Variants in FAAH2 observed in about 807,000 individuals in gnomAD.
The protein encoded by FAAH2 is fatty acid amide hydrolase 2.
Under a neutral mutation model 36.9 loss-of-function variants are expected in FAAH2, and 60 were observed. That is an observed-to-expected ratio of 1.63 (90% CI 1.32 to 2.02). The LOEUF is 2.02. FAAH2 is among the 30% of genes most tolerant of loss of function. FAAH2 has a pLI of 0.00. For missense variants in FAAH2, 689 were observed against 397.5 expected (o/e 1.73, Z -6.23); for synonymous variants, 214 against 143.8 (o/e 1.49, Z -3.49).
intron 7 of FAAH2, among the ~76,000 whole-genome samples, chrX:57,423,534 A>T (rs912260739): frequency 1.8e-5 from 2 of 111,802 alleles, no homozygotes; most frequent in Non-Finnish European, 3.8e-5. Context: ...AGAGAGCTCC[A>T]CCAGGTTGAG....
chrX:57,236,582 C>T, the FAAH2 span, among the ~76,000 whole-genome samples: 14 of 111,856 alleles, frequency 1.3e-4, no homozygotes, highest in Non-Finnish European at 1.5e-4. Flanking sequence ...TTGCATTTCC[C>T]CAGTGATTAG....
intron 5 of FAAH2, among the ~76,000 whole-genome samples, chrX:57,362,650 G>A (rs915807592): frequency 9.0e-6 from 1 of 111,511 alleles, no homozygotes; most frequent in Non-Finnish European, 1.9e-5. Flanking sequence ...CTGCTTTTGG[G>A]TACTTAGATA....
intron 4 of FAAH2, among the ~76,000 whole-genome samples, chrX:57,338,312 A>T (rs1468707162): frequency 9.0e-6 from 1 of 111,549 alleles, no homozygotes; most frequent in Non-Finnish European, 1.9e-5. Flanking sequence ...ATGAACCAGG[A>T]AAAGGACTTT....
intron 5 of FAAH2, among the ~76,000 whole-genome samples, chrX:57,354,657 G>A (rs765776496): frequency 9.1e-6 from 1 of 110,435 alleles, no homozygotes; most frequent in Non-Finnish European, 1.9e-5. Flanking sequence ...GTAAACCTTT[G>A]TTAAGTATAC....
At chrX:57,448,401 C>A in intron 9 of FAAH2, 123 bp from the exon 10 acceptor site, 1 of 667,478 alleles carries the variant, frequency 1.5e-6, no homozygotes, top group Non-Finnish European at 2.2e-6. Context: ...GTTTCCTTTT[C>A]CATCACTTAC....
intron 10 of FAAH2, among the ~76,000 whole-genome samples, chrX:57,481,353 G>GT (rs201662900): frequency 0.011 from 1,179 of 110,961 alleles, 15 homozygotes; most frequent in African/African-American, 0.036. Context: ...CTTTTGTGCT[G>GT]TTTTTTTTCC....
At chrX:57,134,149 G>A in the FAAH2 span, among the ~76,000 whole-genome samples, 4 of 111,716 alleles carry the variant, frequency 3.6e-5, no homozygotes, top group Non-Finnish European at 7.5e-5. Flanking sequence ...CTTTGCATCA[G>A]ACACCATAGT....
At chrX:57,388,913 C>G (rs1440941731) in intron 7 of FAAH2, among the ~76,000 whole-genome samples, 2 of 110,164 alleles carry the variant, frequency 1.8e-5, no homozygotes, top group African/African-American at 6.6e-5. Context: ...TAAGTTCCCT[C>G]CATGTCTTTT....
intron 8 of FAAH2, among the ~76,000 whole-genome samples, chrX:57,437,296 G>A (rs902014453): frequency 9.0e-6 from 1 of 110,882 alleles, no homozygotes; most frequent in East Asian, 2.8e-4. Context: ...AAAGTTGAAA[G>A]CATTTCCTCT....
chrX:57,302,876 G>A (rs922990417), intron 2 of FAAH2, among the ~76,000 whole-genome samples: 3 of 111,146 alleles, frequency 2.7e-5, no homozygotes, highest in Non-Finnish European at 5.7e-5. Flanking sequence ...AAGGATTTTT[G>A]GCTGAGGTTC....
At chrX:57,247,593 CTTGT>C in the FAAH2 span, among the ~76,000 whole-genome samples, 62 of 111,234 alleles carry the variant, frequency 5.6e-4, no homozygotes, top group Non-Finnish European at 9.8e-4. Flanking sequence ...CTTTTTTTAT[CTTGT>C]TTGTCTACCA....
intron 7 of FAAH2, among the ~76,000 whole-genome samples, chrX:57,415,585 A>G (rs2055820189): frequency 8.9e-6 from 1 of 111,797 alleles, no homozygotes; most frequent in Non-Finnish European, 1.9e-5. Flanking sequence ...CTGTGGTCTG[A>G]GAGACTCTTT....
At chrX:57,335,612 G>T (rs1329173188) in intron 4 of FAAH2, among the ~76,000 whole-genome samples, 1 of 112,340 alleles carries the variant, frequency 8.9e-6, no homozygotes, top group African/African-American at 3.2e-5. Context: ...CCATTGCCCA[G>T]GGATGAGCAG....
chrX:57,430,344 C>A (rs1351934112), intron 7 of FAAH2, among the ~76,000 whole-genome samples: 1 of 111,145 alleles, frequency 9.0e-6, no homozygotes, highest in Non-Finnish European at 1.9e-5. Context: ...CTAATTCTTC[C>A]ATGCCATAAT....
intron 5 of FAAH2, among the ~76,000 whole-genome samples, chrX:57,356,602 G>T (rs763619450): frequency 9.1e-6 from 1 of 109,632 alleles, no homozygotes; most frequent in Non-Finnish European, 1.9e-5. Context: ...TATAATGTCC[G>T]CTCTTTTATT....
chrX:57,210,633 C>G, the FAAH2 span, among the ~76,000 whole-genome samples: 1 of 112,475 alleles, frequency 8.9e-6, no homozygotes, highest in Admixed American at 9.4e-5. Context: ...CTACAAAGAA[C>G]TTACAGTTAG....
the FAAH2 span, among the ~76,000 whole-genome samples, chrX:57,247,507 C>A: frequency 9.0e-6 from 1 of 110,912 alleles, no homozygotes; most frequent in Non-Finnish European, 1.9e-5. Context: ...TCTCTCTTAA[C>A]AGCACCAGAG....
the FAAH2 span, among the ~76,000 whole-genome samples, chrX:57,222,323 G>A: frequency 9.0e-6 from 1 of 111,378 alleles, no homozygotes; most frequent in East Asian, 2.8e-4. Context: ...TACTCCAGAA[G>A]GCTCTCACCT....
At chrX:57,431,442 C>T (rs1357608837) in intron 7 of FAAH2, among the ~76,000 whole-genome samples, 2 of 111,864 alleles carry the variant, frequency 1.8e-5, no homozygotes, top group Non-Finnish European at 3.8e-5. Flanking sequence ...ATTTTCCAGC[C>T]TACAGTCTAA....
Sources: gnomAD v4.1 joint callset for allele counts (sites outside exome capture counted in the v4.1 genomes callset) on GRCh38, gnomAD v4.1.1 for gene constraint, MANE v1.5 for transcripts, NCBI Gene and HGNC (gene_info 2026-07-23, HGNC 2026-07-21) for gene names.